The following SPTA1 variants were observed in gnomAD, a reference collection of about 807,000 sequenced individuals.
SPTA1 encodes spectrin alpha, erythrocytic 1.
A neutral mutation model predicts 324.7 loss-of-function variants in SPTA1; 177 were observed. That is an observed-to-expected ratio of 0.55 (90% CI 0.48 to 0.62). SPTA1 has a LOEUF of 0.62. Ranked by LOEUF, SPTA1 falls within the 20% of genes least tolerant of loss-of-function variation. The pLI, the probability that SPTA1 is intolerant of heterozygous loss-of-function variation, is 0.00. For synonymous variants in SPTA1, 1,195 were observed against 1,041.3 expected, an observed-to-expected ratio of 1.15 and a Z score of -2.84; for missense variants, 3,162 against 2,883.6, an observed-to-expected ratio of 1.10 and a Z score of -2.21.
intron 39 of SPTA1, among the ~76,000 whole-genome samples, 187 bp from the exon 40 acceptor site, chr1:158,627,910 T>C (rs1650386528): frequency 6.6e-6 from 1 of 152,164 alleles, no homozygotes; most frequent in Admixed American, 6.5e-5. Flanking sequence ...TGTCACTGAG[T>C]GCAACTTACT....
At position 158,659,847 on chromosome 1, in the gene SPTA1, T is replaced by G. The variant is rs1257668957; in HGVS notation, c.2587+1440A>C. Among the ~76,000 whole-genome samples, 2 of 132,278 alleles carry G rather than the reference T, an allele frequency of 1.5e-5. 1 individual carries two copies. Among genetic ancestry groups the G allele is most frequent in the Non-Finnish European group, 3.1e-5 (2 of 65,262 alleles). The allele number at this position is 132,278 out of a possible 152,430, so 86.8% of individuals were successfully genotyped here. On this transcript the variant is annotated intron_variant, in intron 18 of 51. Transcript: ENST00000643759. The stretch of plus-strand genomic sequence containing the variant: ...GGATGGTCTCGATCTCCTGACCTCA[T>G]GATCCACTCGCCTCGGCCTCCCAAA...
chr1:158,615,096 G>T, intron 48 of SPTA1, 120 bp downstream of exon 48: 1 of 1,114,552 alleles, frequency 9.0e-7, no homozygotes, highest in Non-Finnish European at 1.3e-6. Flanking sequence ...TAAAGACCCA[G>T]AATATTGGTT....
intron 1 of SPTA1, among the ~76,000 whole-genome samples, chr1:158,685,694 A>T (rs1655126074): frequency 6.6e-6 from 1 of 152,166 alleles, no homozygotes; most frequent in Non-Finnish European, 1.5e-5. Context: ...ATATAATGTT[A>T]TTGCTTTCAA....
At chr1:158,612,502 C>T (rs1649319281) in intron 51 of SPTA1, 1 of 365,412 alleles carries the variant, frequency 2.7e-6, no homozygotes, top group East Asian at 6.9e-5. Context: ...AAAGTTTGCA[C>T]TCCTCATGCC....
At chr1:158,665,475 A>T (rs1653529095) in intron 16 of SPTA1, among the ~76,000 whole-genome samples, 1 of 152,184 alleles carries the variant, frequency 6.6e-6, no homozygotes, top group Admixed American at 6.5e-5. Context: ...TGGCGGAATC[A>T]TTTTTAAATA....
Position 158,659,595 on chromosome 1 carries a change from ATTTTTTTTTT to A in SPTA1, c.2587+1682_2587+1691del, listed in dbSNP as rs1177353050. Among the ~76,000 whole-genome samples, 4 of 68,716 alleles carry A rather than the reference ATTTTTTTTTT, an allele frequency of 5.8e-5. 1 individual carries two copies. The Admixed American group carries it at 5.9e-4, about 10-fold the overall frequency. The allele number at this position is 68,716 out of a possible 152,430, so 45.1% of individuals were successfully genotyped here. A position where few individuals can be genotyped will look rare whatever the true frequency, so the allele number is the denominator to read the frequency against. ...AAAAGAAAATAATAGTCTTAGCATT[ATTTTTTTTTT>A]TTTTTTTTTTTTTTTTGAGACGGAG... On this transcript the variant is annotated intron_variant, in intron 18 of 51. Coordinates refer to ENST00000643759, the MANE Select transcript of SPTA1 (RefSeq NM_003126.4).
Position 158,663,882 on chromosome 1 carries a change from T to C in SPTA1, c.2221-937A>G, listed in dbSNP as rs575912422. 1.1e-4 allele frequency among the ~76,000 whole-genome samples: 17 copies of C among 152,270 alleles called. No individual in the cohort carries two copies. In the South Asian group the frequency reaches 3.5e-3, roughly 32 times the overall value. On this transcript the variant is annotated intron_variant, in intron 16 of 51. Transcript: ENST00000643759. ...AGTATAATAATAAAAAAAGAAGTTC[T>C]TCAAGAACAGAGAAACATCTGGCAC...
rs761747646 is a variant in SPTA1 at position 158,649,891 on chromosome 1, C to A, written c.3534G>T (p.Leu1178=). ...CTTCAACAGCATGGGCACTGCCCAG[C>A]AGCTGCCGCTGTTCATCTGCAAGCC... ...LQRLADEQRQ[L]LGSAHAVEVF... Residue 1178 remains leucine (L), a synonymous_variant, in exon 25 of 52, where the codon CTG becomes CTT. Coordinates refer to ENST00000643759, the MANE Select transcript of SPTA1 (RefSeq NM_003126.4). The A allele has an allele frequency of 1.2e-6, 2 of 1,613,850 alleles. No homozygotes were observed. Among genetic ancestry groups the A allele is most frequent in the Non-Finnish European group, 1.7e-6 (2 of 1,179,882 alleles).
Position 158,618,053 on chromosome 1 carries a change from A to G in SPTA1, c.6534T>C (p.Ala2178=), listed in dbSNP as rs1353736096. 1 of 1,611,690 alleles carries G rather than the reference A, an allele frequency of 6.2e-7. No homozygotes were observed. The highest frequency in any genetic ancestry group is 8.5e-7 in the Non-Finnish European group (1 of 1,177,792). Residue 2178 remains alanine (A), a synonymous_variant, in exon 46 of 52, where the codon GCT becomes GCC. Transcript: ENST00000643759. ...AAAATACTGACCCATCCAGAAAGTAAGCCCTGGACATGGAGGTCCGGAACA... is the reference window on the plus strand; with the variant it reads ...AAAATACTGACCCATCCAGAAAGTAGGCCCTGGACATGGAGGTCCGGAACA... ...TFLQWILETR[A]YFLDGSLLKE...
chr1:158,645,677 T>C, intron 27 of SPTA1, 83 bp from the exon 28 acceptor site: 1 of 1,421,080 alleles, frequency 7.0e-7, no homozygotes, highest in Non-Finnish European at 9.9e-7. Flanking sequence ...TTCCATTCTC[T>C]AGAAAACATT....
intron 12 of SPTA1, among the ~76,000 whole-genome samples, chr1:158,670,650 T>A (rs905593046): frequency 6.6e-6 from 1 of 152,300 alleles, no homozygotes; most frequent in South Asian, 2.1e-4. Flanking sequence ...ATTGGACCCA[T>A]GAAGTCTTCC....
chr1:158,643,946 G>A (rs900166536), intron 30 of SPTA1, among the ~76,000 whole-genome samples: 1 of 151,972 alleles, frequency 6.6e-6, no homozygotes, highest in Non-Finnish European at 1.5e-5. Flanking sequence ...AGACCAGCCT[G>A]GCTAACATGG....
chr1:158,671,881 G>A (rs931353493), intron 11 of SPTA1, among the ~76,000 whole-genome samples, 178 bp downstream of exon 11: 2 of 152,126 alleles, frequency 1.3e-5, no homozygotes, highest in African/African-American at 4.8e-5. Flanking sequence ...GTTGATGAGG[G>A]AATTGTAGGA....
intron 18 of SPTA1, among the ~76,000 whole-genome samples, chr1:158,658,046 T>C (rs1652948595): frequency 6.6e-6 from 1 of 152,164 alleles, no homozygotes; most frequent in African/African-American, 2.4e-5. Context: ...AAAGGAGTTA[T>C]TACTATGAGA....
At position 158,678,489 on chromosome 1, in the gene SPTA1, C is replaced by G; in HGVS notation, c.724G>C (p.Val242Leu). 6.2e-7 allele frequency: 1 copy of G among 1,613,670 alleles called. No individual in the cohort carries two copies. Among genetic ancestry groups the G allele is most frequent in the Non-Finnish European group, 8.5e-7 (1 of 1,179,762 alleles). Residue 242 changes from valine to leucine, a missense_variant, in exon 6 of 52, where the codon GTG (valine) becomes CTG (leucine). Physicochemically the swap from Val to Leu is conservative, Grantham distance 32. Coordinates refer to ENST00000643759, the MANE Select transcript of SPTA1 (RefSeq NM_003126.4). The stretch of plus-strand genomic sequence containing the variant: ...CGAAGGCGCTCCCAGGCAGCATTCA[C>G]CTCATTTTGCTTAGACTGAATTAAG... The part of the protein sequence containing the change: ...LPLIQSKQNE[V>L]NAAWERLRGL...
chr1:158,626,553 A>G (rs901761188), intron 41 of SPTA1, among the ~76,000 whole-genome samples: 3 of 152,192 alleles, frequency 2.0e-5, no homozygotes, highest in Non-Finnish European at 2.9e-5. Flanking sequence ...CCCTTTCTCA[A>G]TGTCACACAC....
In SPTA1 at chr1:158,639,971, G is replaced by A. The variant is rs1322177825; in HGVS notation, c.4774C>T (p.Leu1592=). The change falls in exon 34 of 52, where the codon CTG becomes TTG. Residue 1592 remains leucine (L), a synonymous_variant. Coordinates refer to ENST00000643759, the MANE Select transcript of SPTA1 (RefSeq NM_003126.4). ...LEQLKEHWDH[L]LERTNDKGKK... ...CCTTTGTCATTTGTTCTCTCAAGCA[G>A]ATGATCCCAATGTTCCTTCAGCTGT... The A allele has an allele frequency of 6.2e-7, 1 of 1,613,916 alleles. No homozygotes were observed. Among genetic ancestry groups the A allele is most frequent in the Non-Finnish European group, 8.5e-7 (1 of 1,179,908 alleles).
intron 11 of SPTA1, 115 bp downstream of exon 11, chr1:158,671,944 C>T: frequency 1.5e-6 from 2 of 1,375,588 alleles, no homozygotes; most frequent in Non-Finnish European, 1.0e-6. Flanking sequence ...CCCTTTAGTT[C>T]CCAAGACAAG....
chr1:158,644,744 GT>G (rs762904007), intron 29 of SPTA1, among the ~76,000 whole-genome samples: 6 of 152,046 alleles, frequency 3.9e-5, no homozygotes, highest in Non-Finnish European at 8.8e-5. Context: ...ATCACTTCTT[GT>G]TTTTTAGCCT....
Sources: gnomAD v4.1 joint callset for allele counts (sites outside exome capture counted in the v4.1 genomes callset) on GRCh38, gnomAD v4.1.1 for gene constraint, MANE v1.5 for transcripts, NCBI Gene and HGNC (gene_info 2026-07-23, HGNC 2026-07-21) for gene names.